Variants in NECAB1 observed in about 807,000 individuals in gnomAD.
The protein encoded by NECAB1 is N-terminal EF-hand calcium binding protein 1, also known as N-terminal EF-hand calcium-binding protein 1.
NECAB1 carries 29 observed loss-of-function variants against 57.5 expected under a neutral mutation model. That is an observed-to-expected ratio of 0.50 (90% CI 0.38 to 0.69). The LOEUF (loss-of-function observed/expected upper bound fraction) is 0.69, where lower values mean the gene tolerates loss of function less well. Ranked by LOEUF, NECAB1 falls within the 30% of genes least tolerant of loss-of-function variation. The pLI is 0.00. For synonymous variants in NECAB1, 142 were observed against 147.7 expected, an observed-to-expected ratio of 0.96 and a Z score of 0.28; for missense variants, 372 against 413.8, an observed-to-expected ratio of 0.90 and a Z score of 0.88.
At chr8:90,902,484 A>ACGT (rs1368474954) in intron 5 of NECAB1, among the ~76,000 whole-genome samples, 1 of 152,210 alleles carries the variant, frequency 6.6e-6, no homozygotes, top group Non-Finnish European at 1.5e-5. Flanking sequence ...CAATTGAATT[A>ACGT]CGTTGTACTT....
intron 3 of NECAB1, among the ~76,000 whole-genome samples, chr8:90,844,662 T>C (rs192371651): frequency 1.3e-3 from 192 of 152,298 alleles, no homozygotes; most frequent in Admixed American, 3.0e-3. Context: ...GAAAACAGCA[T>C]AGATAACACC....
rs559184602 is a variant in NECAB1 at position 90,881,718 on chromosome 8, A to G, written c.357+588A>G. Among the ~76,000 whole-genome samples, 4 of 152,332 alleles carry G rather than the reference A, an allele frequency of 2.6e-5. No individual in the cohort carries two copies. The East Asian group carries it at 7.7e-4, about 29-fold the overall frequency. ...GTACAGCCTGCAGAACTGTGAGCCA[A>G]TTAAACCTCCTTTCTTTATAAATTA... is the stretch of plus-strand genomic sequence containing the variant. On this transcript the variant is annotated intron_variant, in intron 5 of 12. Coordinates refer to ENST00000417640, the MANE Select transcript of NECAB1 (RefSeq NM_022351.5).
intron 4 of NECAB1, among the ~76,000 whole-genome samples, chr8:90,874,324 A>C (rs1188069226): frequency 6.6e-6 from 1 of 152,204 alleles, no homozygotes; most frequent in Non-Finnish European, 1.5e-5. Context: ...TGAGGCTTTT[A>C]CTTAATTTGT....
chr8:90,856,684 T>A (rs890823615), intron 3 of NECAB1, among the ~76,000 whole-genome samples: 5 of 152,190 alleles, frequency 3.3e-5, no homozygotes, highest in African/African-American at 1.2e-4. Context: ...GAAATTCCTT[T>A]GAAAACAAAA....
rs1691462647 is a variant in NECAB1, at chr8:90,917,600, A to G, written c.466A>G (p.Thr156Ala). The G allele has an allele frequency of 6.2e-7, 1 of 1,610,970 alleles. No homozygotes were observed. Among genetic ancestry groups the G allele is most frequent in the Non-Finnish European group, 8.5e-7 (1 of 1,178,190 alleles). Reference protein sequence around the residue: ...LQNSLECAMETTEEQTRQERQ... With the variant: ...LQNSLECAMEATEEQTRQERQ... ...GAATTCCCTGGAATGTGCCATGGAA[A>G]CTACTGAGGAGCAAACCCGTCAAGA... is the stretch of plus-strand genomic sequence containing the variant. The change falls in exon 6 of 13, where the codon ACT (threonine) becomes GCT (alanine). Residue 156 changes from threonine (T) to alanine (A), a missense_variant. Transcript: ENST00000417640.
intron 1 of NECAB1, among the ~76,000 whole-genome samples, chr8:90,798,988 T>A (rs1811716118): frequency 6.6e-6 from 1 of 152,186 alleles, no homozygotes; most frequent in Non-Finnish European, 1.5e-5. Context: ...TTTCTGATAA[T>A]AGCCATTCTG....
At chr8:90,809,679 G>A (rs1440288468) in intron 2 of NECAB1, among the ~76,000 whole-genome samples, 1 of 152,146 alleles carries the variant, frequency 6.6e-6, no homozygotes, top group African/African-American at 2.4e-5. Flanking sequence ...GGTTATGAAA[G>A]TGCCTTACAT....
At chr8:90,910,899 C>T (rs750661436) in intron 5 of NECAB1, among the ~76,000 whole-genome samples, 1 of 151,898 alleles carries the variant, frequency 6.6e-6, no homozygotes, top group Non-Finnish European at 1.5e-5. Context: ...CCTACACATC[C>T]AGCAACACCA....
chr8:90,810,218 T>C (rs1429797117), intron 2 of NECAB1, among the ~76,000 whole-genome samples: 1 of 152,200 alleles, frequency 6.6e-6, no homozygotes, highest in Admixed American at 6.5e-5. Context: ...GAATCCTAAA[T>C]GATTCAGTGT....
chr8:90,862,437 A>G (rs1305716884), intron 3 of NECAB1, among the ~76,000 whole-genome samples: 1 of 152,134 alleles, frequency 6.6e-6, no homozygotes, highest in Non-Finnish European at 1.5e-5. Context: ...TTCTACCTGT[A>G]TGATGACACA....
intron 3 of NECAB1, chr8:90,858,948 C>T (rs1469857130): frequency 1.3e-5 from 2 of 151,134 alleles, no homozygotes; most frequent in African/African-American, 4.9e-5. Context: ...GTTTTTTACT[C>T]TCATGCCAGT....
chr8:90,873,181 C>T (rs1273075434), intron 4 of NECAB1, among the ~76,000 whole-genome samples: 1 of 152,168 alleles, frequency 6.6e-6, no homozygotes, highest in Non-Finnish European at 1.5e-5. Flanking sequence ...TGTAAAAAAA[C>T]TCATGCTTCT....
chr8:90,883,528 G>C (rs1296737281), intron 5 of NECAB1, among the ~76,000 whole-genome samples: 1 of 152,118 alleles, frequency 6.6e-6, no homozygotes, highest in Admixed American at 6.6e-5. Context: ...GATCTATCTT[G>C]ACTGGCAGTA....
At chr8:90,883,941 G>A (rs1041048448) in intron 5 of NECAB1, among the ~76,000 whole-genome samples, 10 of 152,202 alleles carry the variant, frequency 6.6e-5, no homozygotes, top group Admixed American at 6.5e-4. Flanking sequence ...GTAGAATTCT[G>A]ATGCTACGGC....
intron 5 of NECAB1, among the ~76,000 whole-genome samples, chr8:90,896,327 G>A (rs949001230): frequency 6.6e-6 from 1 of 152,168 alleles, no homozygotes; most frequent in Non-Finnish European, 1.5e-5. Flanking sequence ...TATGTCGGCC[G>A]GGCGAGGTGG....
At chr8:90,933,741 C>CT (rs1320152825) in intron 8 of NECAB1, among the ~76,000 whole-genome samples, 10 of 151,630 alleles carry the variant, frequency 6.6e-5, no homozygotes, top group Non-Finnish European at 1.0e-4. Context: ...AAAAAAAAAA[C>CT]TTTTTTTTAA....
At chr8:90,835,545 AAATAAT>A (rs937671701) in intron 3 of NECAB1, among the ~76,000 whole-genome samples, 3 of 151,918 alleles carry the variant, frequency 2.0e-5, no homozygotes, top group Non-Finnish European at 4.4e-5. Context: ...ACTCGCCACA[AAATAAT>A]AATAATAATT....
chr8:90,948,525 A>G (rs1489571536), intron 10 of NECAB1, among the ~76,000 whole-genome samples: 1 of 152,208 alleles, frequency 6.6e-6, no homozygotes, highest in African/African-American at 2.4e-5. Flanking sequence ...CTGCTAAGTT[A>G]TGTGTTCTCT....
chr8:90,855,401 T>C (rs975230504), intron 3 of NECAB1, among the ~76,000 whole-genome samples: 1 of 152,056 alleles, frequency 6.6e-6, no homozygotes, highest in Non-Finnish European at 1.5e-5. Flanking sequence ...CTTTTAGGAG[T>C]CTTTGGATGT....
Sources: allele counts gnomAD v4.1 joint callset (sites outside exome capture counted in the v4.1 genomes callset), GRCh38; gene constraint gnomAD v4.1.1; transcripts MANE v1.5; gene names NCBI Gene and HGNC (gene_info 2026-07-23, HGNC 2026-07-21).